The following OSBP2 variants were observed in gnomAD, a reference collection of about 807,000 sequenced individuals.
The protein encoded by OSBP2 is oxysterol binding protein 2.
In OSBP2, 66 loss-of-function variants were observed where a neutral mutation model predicts 96.0. The observed-to-expected ratio is 0.69, with a 90% CI of 0.56 to 0.84. OSBP2 has a LOEUF of 0.84. Ranked by LOEUF, OSBP2 falls within the 40% of genes least tolerant of loss-of-function variation. The probability of loss-of-function intolerance (pLI) is 0.00; values close to 1 mark genes in which losing one functional copy is unlikely to be tolerated. For missense variants in OSBP2, 1,038 were observed against 1,222.7 expected (o/e 0.85, Z 2.25); for synonymous variants, 525 against 520.9 (o/e 1.01, Z -0.11).
intron 2 of OSBP2, among the ~76,000 whole-genome samples, chr22:30,861,135 C>T (rs35713967): frequency 0.11 from 16,918 of 152,176 alleles, 1,050 homozygotes; most frequent in African/African-American, 0.15. Flanking sequence ...TCTCTCTAGC[C>T]GGCCCGGGGG....
chr22:30,887,426 G>T lies in OSBP2; in HGVS notation c.1108G>T (p.Ala370Ser). The T allele has an allele frequency of 6.2e-7, 1 of 1,611,958 alleles. No individual in the cohort carries two copies. Among genetic ancestry groups the T allele is most frequent in the Non-Finnish European group, 8.5e-7 (1 of 1,178,720 alleles). ...CATACCGCCACTCCTCCCTCCCCAG[G>T]CCTGCAGGGACTTCTTGGAACTAGC... ...FRITSNAMIN[A>S]CRDFLELAEI... Residue 370 changes from alanine (A) to serine (S), a missense_variant and splice_region_variant, in exon 4 of 14, where the codon GCC becomes TCC. Ala to Ser is a moderately conservative substitution (Grantham distance 99, BLOSUM62 1). Coordinates refer to ENST00000332585, the MANE Select transcript of OSBP2 (RefSeq NM_030758.4).
intron 8 of OSBP2, among the ~76,000 whole-genome samples, chr22:30,891,534 A>T (rs533255221): frequency 1.3e-4 from 20 of 152,088 alleles, no homozygotes; most frequent in Non-Finnish European, 2.8e-4. Context: ...TCCTGGCATG[A>T]GTGTGGGATG....
intron 3 of OSBP2, among the ~76,000 whole-genome samples, chr22:30,878,118 A>C (rs1602403202): frequency 6.6e-6 from 1 of 152,198 alleles, no homozygotes; most frequent in African/African-American, 2.4e-5. Flanking sequence ...GGGAGGTTGG[A>C]GTGAAGAGGA....
chr22:30,822,513 C>T (rs2038297032), intron 2 of OSBP2: 1 of 1,373,936 alleles, frequency 7.3e-7, no homozygotes. Context: ...CGCCGGGACC[C>T]ACGAGTGTCC....
chr22:30,888,672 T>G (rs1472075923), intron 5 of OSBP2, among the ~76,000 whole-genome samples: 1 of 152,160 alleles, frequency 6.6e-6, no homozygotes, highest in African/African-American at 2.4e-5. Context: ...GAGGCTGCAG[T>G]GAGCCATGGT....
chr22:30,865,955 G>A (rs2039328477), intron 2 of OSBP2, among the ~76,000 whole-genome samples: 1 of 152,284 alleles, frequency 6.6e-6, no homozygotes, highest in Non-Finnish European at 1.5e-5. Flanking sequence ...AAGGACAGAG[G>A]GACTTGTGAG....
intron 2 of OSBP2, among the ~76,000 whole-genome samples, chr22:30,829,905 A>T (rs920757639): frequency 6.6e-5 from 10 of 152,330 alleles, no homozygotes; most frequent in African/African-American, 2.4e-4. Flanking sequence ...TGCCAGGCTA[A>T]GACAGGTGAC....
intron 12 of OSBP2, among the ~76,000 whole-genome samples, chr22:30,905,113 G>A (rs2040298877): frequency 6.7e-6 from 1 of 148,674 alleles, no homozygotes; most frequent in Non-Finnish European, 1.5e-5. Context: ...ACTCCAGCCT[G>A]GGCCACAGAG....
intron 2 of OSBP2, among the ~76,000 whole-genome samples, chr22:30,810,031 C>T (rs1339168545): frequency 6.6e-6 from 1 of 151,950 alleles, no homozygotes; most frequent in East Asian, 1.9e-4. Context: ...GGGAGACATC[C>T]AAGAGACAGT....
chr22:30,879,823 G>A (rs146659549), intron 3 of OSBP2, among the ~76,000 whole-genome samples: 2 of 152,282 alleles, frequency 1.3e-5, no homozygotes, highest in East Asian at 1.9e-4. Flanking sequence ...AGGCCGACGC[G>A]GGCAGATTAC....
intron 12 of OSBP2, among the ~76,000 whole-genome samples, chr22:30,901,504 G>A (rs1307021371): frequency 6.6e-6 from 1 of 152,226 alleles, no homozygotes; most frequent in African/African-American, 2.4e-5. Context: ...AGAAGCTGTA[G>A]AGCTACAATA....
At chr22:30,830,035 A>G (rs565167348) in intron 2 of OSBP2, among the ~76,000 whole-genome samples, 1 of 152,200 alleles carries the variant, frequency 6.6e-6, no homozygotes, top group South Asian at 2.1e-4. Context: ...TGGAGCTGGG[A>G]CTGAGGGGTT....
At chr22:30,888,539 G>T (rs1036471701) in intron 5 of OSBP2, among the ~76,000 whole-genome samples, 199 bp downstream of exon 5, 6 of 152,264 alleles carry the variant, frequency 3.9e-5, no homozygotes, top group Admixed American at 2.0e-4. Context: ...ACCAGCCTGG[G>T]CAACATGGCG....
intron 1 of OSBP2, among the ~76,000 whole-genome samples, chr22:30,736,589 C>G (rs948232914): frequency 6.6e-6 from 1 of 152,170 alleles, no homozygotes; most frequent in African/African-American, 2.4e-5. Flanking sequence ...TTTGAAATAA[C>G]TTAGATTTAC....
chr22:30,694,090 C>G, upstream of OSBP2: 2 of 1,550,302 alleles, frequency 1.3e-6, no homozygotes, highest in Non-Finnish European at 1.7e-6. Context: ...TCTGCGGAAG[C>G]CTCACAGACT....
intron 6 of OSBP2, 111 bp from the exon 7 acceptor site, chr22:30,889,379 G>A (rs1033343743): frequency 3.3e-5 from 48 of 1,449,958 alleles, no homozygotes; most frequent in East Asian, 2.3e-4. Flanking sequence ...CACCAGCAGC[G>A]TACCAGTGGC....
chr22:30,829,798 C>T (rs1018969674), intron 2 of OSBP2, among the ~76,000 whole-genome samples: 4 of 152,220 alleles, frequency 2.6e-5, no homozygotes, highest in Non-Finnish European at 4.4e-5. Flanking sequence ...TGCAACAGCC[C>T]TGTTAATAAA....
At chr22:30,738,682 A>C (rs2089890616) in intron 1 of OSBP2, among the ~76,000 whole-genome samples, 1 of 151,628 alleles carries the variant, frequency 6.6e-6, no homozygotes, top group South Asian at 2.1e-4. Context: ...TGCCTCAGCC[A>C]TCCGAGTAAC....
chr22:30,865,664 T>C (rs2147098148), intron 2 of OSBP2, among the ~76,000 whole-genome samples: 1 of 146,378 alleles, frequency 6.8e-6, no homozygotes, highest in Admixed American at 6.7e-5. Flanking sequence ...AAAGACAGTT[T>C]TGTGCAAAAG....
Sources: gnomAD v4.1 joint callset for allele counts (sites outside exome capture counted in the v4.1 genomes callset) on GRCh38, gnomAD v4.1.1 for gene constraint, MANE v1.5 for transcripts, NCBI Gene and HGNC (gene_info 2026-07-23, HGNC 2026-07-21) for gene names.